The following CPNE8 variants were observed in gnomAD, a reference collection of about 807,000 sequenced individuals.
CPNE8 encodes the protein copine-8.
A neutral mutation model predicts 81.5 loss-of-function variants in CPNE8; 45 were observed. The ratio of observed to expected loss-of-function variants is 0.55; its 90% CI spans 0.44 to 0.71. CPNE8 has a LOEUF of 0.71. CPNE8 is among the 30% of genes least tolerant of loss of function. CPNE8 has a pLI of 0.00. For missense variants in CPNE8, 594 were observed against 672.1 expected (o/e 0.88, Z 1.28); for synonymous variants, 252 against 226.3 (o/e 1.11, Z -1.02).
intron 5 of CPNE8, among the ~76,000 whole-genome samples, chr12:38,832,642 G>A (rs1943306935): frequency 6.6e-6 from 1 of 152,004 alleles, no homozygotes; most frequent in Non-Finnish European, 1.5e-5. Flanking sequence ...CTTAAATGGA[G>A]GCCTCTACAG....
At chr12:38,806,572 T>C (rs11503917) in intron 6 of CPNE8, among the ~76,000 whole-genome samples, 51,512 of 148,944 alleles carry the variant, frequency 0.35, 12,034 homozygotes, top group Non-Finnish European at 0.46. Context: ...CTAAAAACTC[T>C]CAATAAATTA....
intron 12 of CPNE8, among the ~76,000 whole-genome samples, chr12:38,724,365 ATT>A (rs56224734): frequency 1.0e-5 from 1 of 99,474 alleles, no homozygotes; most frequent in Non-Finnish European, 2.2e-5. Flanking sequence ...GATGATATTG[ATT>A]TTTTTTATAT....
chr12:38,819,493 C>T (rs1232542869), intron 6 of CPNE8, among the ~76,000 whole-genome samples: 15 of 152,198 alleles, frequency 9.9e-5, no homozygotes, highest in African/African-American at 3.1e-4. Flanking sequence ...TAGGGCCGGG[C>T]GCGGTGGCTC....
chr12:38,797,933 A>C (rs144052295), intron 6 of CPNE8, among the ~76,000 whole-genome samples: 1,886 of 152,266 alleles, frequency 0.012, 151 homozygotes, highest in Admixed American at 0.1. Flanking sequence ...GTGATCAACT[A>C]GAAGAAAGGG....
At chr12:38,675,818 T>C (rs749532907) in intron 17 of CPNE8, 44 bp from the exon 18 acceptor site, 70 of 1,272,536 alleles carry the variant, frequency 5.5e-5, no homozygotes, top group Non-Finnish European at 7.8e-5. Flanking sequence ...AGAAATTGAG[T>C]TCTTAAGAAA....
intron 6 of CPNE8, among the ~76,000 whole-genome samples, chr12:38,795,678 A>G (rs749341555): frequency 6.6e-6 from 1 of 152,200 alleles, no homozygotes; most frequent in Non-Finnish European, 1.5e-5. Context: ...AAATTTATAG[A>G]AAGAGAAAGT....
intron 11 of CPNE8, among the ~76,000 whole-genome samples, chr12:38,727,279 G>C (rs139282957): frequency 1.3e-3 from 196 of 152,214 alleles, no homozygotes; most frequent in African/African-American, 4.6e-3. Context: ...ATTGAAAACC[G>C]TCAGCCTAGC....
chr12:38,667,923 G>A (rs1440756457), intron 19 of CPNE8, among the ~76,000 whole-genome samples: 1 of 152,038 alleles, frequency 6.6e-6, no homozygotes, highest in Non-Finnish European at 1.5e-5. Context: ...TCCGCCTCCT[G>A]AGTAGCTGAG....
At chr12:38,664,214 T>A (rs921709250) in intron 19 of CPNE8, among the ~76,000 whole-genome samples, 1 of 152,130 alleles carries the variant, frequency 6.6e-6, no homozygotes, top group Non-Finnish European at 1.5e-5. Flanking sequence ...ATACATGTAA[T>A]GAAATATCAC....
At chr12:38,795,526 T>C (rs753844205) in intron 6 of CPNE8, among the ~76,000 whole-genome samples, 5 of 152,174 alleles carry the variant, frequency 3.3e-5, no homozygotes, top group Non-Finnish European at 5.9e-5. Flanking sequence ...ATACATAGGA[T>C]GGAATGTTAC....
At chr12:38,678,406 T>C (rs945527924) in intron 16 of CPNE8, among the ~76,000 whole-genome samples, 1 of 152,004 alleles carries the variant, frequency 6.6e-6, no homozygotes, top group Non-Finnish European at 1.5e-5. Context: ...TCAATAGAGA[T>C]AATTTTTACG....
chr12:38,877,938 C>T (rs966462328), intron 1 of CPNE8, among the ~76,000 whole-genome samples: 1 of 152,076 alleles, frequency 6.6e-6, no homozygotes, highest in Admixed American at 6.6e-5. Flanking sequence ...TCATAAAGAC[C>T]CTTCTGATAA....
chr12:38,829,181 A>G (rs118086769), intron 6 of CPNE8, among the ~76,000 whole-genome samples, 198 bp downstream of exon 6: 2,213 of 152,262 alleles, frequency 0.015, 19 homozygotes, highest in South Asian at 0.024. Flanking sequence ...TCTTGTGAAA[A>G]TTTTTTAGCA....
chr12:38,825,386 A>T (rs903395193), intron 6 of CPNE8, among the ~76,000 whole-genome samples: 1 of 152,202 alleles, frequency 6.6e-6, no homozygotes, highest in African/African-American at 2.4e-5. Flanking sequence ...AAAGTAAAAA[A>T]AGTGAAGTAC....
At chr12:38,747,878 G>A (rs1222412763) in intron 10 of CPNE8, among the ~76,000 whole-genome samples, 2 of 151,898 alleles carry the variant, frequency 1.3e-5, no homozygotes, top group Non-Finnish European at 2.9e-5. Context: ...TAGAAAATAT[G>A]TGAGTAATTT....
At chr12:38,863,382 C>T (rs1334009421) in intron 3 of CPNE8, among the ~76,000 whole-genome samples, 1 of 152,180 alleles carries the variant, frequency 6.6e-6, no homozygotes, top group Admixed American at 6.5e-5. Flanking sequence ...TAACAGCAAA[C>T]TTTGTCAGAC....
At chr12:38,728,016 C>A (rs1263315486) in intron 11 of CPNE8, among the ~76,000 whole-genome samples, 1 of 152,082 alleles carries the variant, frequency 6.6e-6, no homozygotes, top group Non-Finnish European at 1.5e-5. Flanking sequence ...CTTCAGCAGC[C>A]CACATGACAA....
At chr12:38,737,150 A>T (rs1405694532) in intron 10 of CPNE8, among the ~76,000 whole-genome samples, 4 of 151,788 alleles carry the variant, frequency 2.6e-5, no homozygotes, top group Non-Finnish European at 5.9e-5. Flanking sequence ...AATTATCATT[A>T]TTATACGCAA....
intron 5 of CPNE8, among the ~76,000 whole-genome samples, chr12:38,839,507 T>C (rs1943435124): frequency 6.6e-6 from 1 of 151,944 alleles, no homozygotes; most frequent in African/African-American, 2.4e-5. Flanking sequence ...CAGGAAATAT[T>C]GGTAAATAAA....
Sources: allele counts gnomAD v4.1 joint callset (sites outside exome capture counted in the v4.1 genomes callset), GRCh38; gene constraint gnomAD v4.1.1; transcripts MANE v1.5; gene names NCBI Gene and HGNC (gene_info 2026-07-23, HGNC 2026-07-21).